Variants in PLCG2 observed in about 807,000 individuals in gnomAD.
PLCG2 encodes the protein phospholipase C gamma 2.
A neutral mutation model predicts 175.6 loss-of-function variants in PLCG2; 69 were observed. That is an observed-to-expected ratio of 0.39 (90% CI 0.32 to 0.48). The LOEUF is 0.48. Ranked by LOEUF, PLCG2 falls within the 20% of genes least tolerant of loss-of-function variation. The probability of loss-of-function intolerance (pLI) is 0.91; values close to 1 mark genes in which losing one functional copy is unlikely to be tolerated. For synonymous variants in PLCG2, 827 were observed against 624.0 expected, an observed-to-expected ratio of 1.33 and a Z score of -4.85; for missense variants, 1,798 against 1,650.9, an observed-to-expected ratio of 1.09 and a Z score of -1.54.
In PLCG2 at chr16:81,869,250, G is replaced by C. The variant is rs777536190; in HGVS notation, c.516G>C (p.Leu172=). ...SLRELKTILP[L]INFKVSSAKF... is the part of the protein sequence containing the mutation. ...GAGAGTTGAAGACCATCTTGCCCCT[G>C]ATCAACTTTAAAGTGAGCAGTGCCA... Residue 172 remains leucine (L), a synonymous_variant, in exon 6 of 33, where the codon CTG becomes CTC. Coordinates refer to ENST00000564138, the MANE Select transcript of PLCG2 (RefSeq NM_002661.5). 6.2e-7 allele frequency: 1 copy of C among 1,614,020 alleles called. No homozygotes were observed. The highest frequency in any genetic ancestry group is 8.5e-7 in the Non-Finnish European group (1 of 1,179,886).
intron 1 of PLCG2, among the ~76,000 whole-genome samples, chr16:81,748,692 C>G (rs1314447896): frequency 6.6e-6 from 1 of 152,100 alleles, no homozygotes; most frequent in Non-Finnish European, 1.5e-5. Context: ...CACTTGTGGT[C>G]AGAAAACCCC....
Position 81,858,313 on chromosome 16 carries a change from C to G in PLCG2, c.388C>G (p.His130Asp). 1 of 1,614,072 alleles carries G rather than the reference C, an allele frequency of 6.2e-7. No individual in the cohort carries two copies. Among genetic ancestry groups the G allele is most frequent in the Non-Finnish European group, 8.5e-7 (1 of 1,179,922 alleles). ...CTGGCTCTCTGGCTTGAAAATCTTA[C>G]ACCAGGAAGCGATGAATGCGTCCAC... is the stretch of plus-strand genomic sequence containing the variant. ...VNWLSGLKIL[H>D]QEAMNASTPT... Residue 130 changes from histidine (H) to aspartate (D), a missense_variant, in exon 4 of 33, where the codon CAC becomes GAC. By Grantham distance (81) the His-to-Asp change is moderately conservative. Coordinates refer to ENST00000564138, the MANE Select transcript of PLCG2 (RefSeq NM_002661.5).
chr16:81,776,083 C>CGTTCTT (rs1413572575), upstream of PLCG2, among the ~76,000 whole-genome samples: 152 of 81,900 alleles, frequency 1.9e-3, 9 homozygotes, highest in African/African-American at 4.8e-3. Context: ...TTCTCTCTCT[C>CGTTCTT]TCTCTCTTTC....
intron 3 of PLCG2, chr16:81,858,014 T>A: frequency 2.1e-6 from 1 of 473,420 alleles, no homozygotes; most frequent in South Asian, 3.8e-5. Flanking sequence ...TGATTCCATT[T>A]GGCACAGGAA....
At chr16:81,851,474 C>T (rs561431240) in intron 2 of PLCG2, among the ~76,000 whole-genome samples, 29 of 152,196 alleles carry the variant, frequency 1.9e-4, no homozygotes, top group East Asian at 1.7e-3. Flanking sequence ...ATGTAGATGA[C>T]GTGCTGTTTT....
upstream of PLCG2, among the ~76,000 whole-genome samples, chr16:81,777,359 A>G (rs773471139): frequency 2.0e-5 from 3 of 151,656 alleles, no homozygotes; most frequent in Non-Finnish European, 2.9e-5. Flanking sequence ...CTGAACTAAT[A>G]TATTATGTAC....
At chr16:81,846,321 C>G (rs1420347565) in intron 2 of PLCG2, among the ~76,000 whole-genome samples, 2 of 152,210 alleles carry the variant, frequency 1.3e-5, no homozygotes, top group Non-Finnish European at 2.9e-5. Flanking sequence ...CCTATACAGT[C>G]AGGGTGAAGC....
chr16:81,791,424 A>G (rs1237385268), intron 2 of PLCG2, among the ~76,000 whole-genome samples: 3 of 152,092 alleles, frequency 2.0e-5, no homozygotes, highest in African/African-American at 7.2e-5. Context: ...ATCTGGGCAG[A>G]GCTCAGCTGG....
At chr16:81,906,505 G>A (rs1909376790) in intron 15 of PLCG2, 1 of 152,152 alleles carries the variant, frequency 6.6e-6, no homozygotes, top group Non-Finnish European at 1.5e-5. Flanking sequence ...GCTCACCACA[G>A]ACTCCACCTC....
chr16:81,880,341 C>G (rs1908017273), intron 7 of PLCG2, among the ~76,000 whole-genome samples: 1 of 152,182 alleles, frequency 6.6e-6, no homozygotes, highest in Non-Finnish European at 1.5e-5. Flanking sequence ...TTATCAAAGC[C>G]AATGTGCCTA....
chr16:81,773,914 G>T (rs1910336783), intron 2 of PLCG2, among the ~76,000 whole-genome samples: 1 of 152,060 alleles, frequency 6.6e-6, no homozygotes, highest in Non-Finnish European at 1.5e-5. Flanking sequence ...CCATCATGCA[G>T]GACTTTGATG....
intron 2 of PLCG2, among the ~76,000 whole-genome samples, chr16:81,831,367 G>A (rs746601908): frequency 2.6e-5 from 4 of 152,304 alleles, no homozygotes; most frequent in South Asian, 2.1e-4. Context: ...GACCATCATC[G>A]TGAGAATCTG....
At chr16:81,750,265 C>T (rs556994781) in intron 1 of PLCG2, among the ~76,000 whole-genome samples, 1 of 151,766 alleles carries the variant, frequency 6.6e-6, no homozygotes, top group African/African-American at 2.4e-5. Flanking sequence ...ACAACAACAA[C>T]AAAAATTAGC....
Position 81,957,952 on chromosome 16 carries a change from T to A in PLCG2, c.3756-4T>A. 6.2e-7 allele frequency: 1 copy of A among 1,613,546 alleles called. No individual in the cohort carries two copies. Among genetic ancestry groups the A allele is most frequent in the African/African-American group, 1.3e-5 (1 of 75,024 alleles). On this transcript the variant is annotated splice_region_variant and splice_polypyrimidine_tract_variant and intron_variant, in intron 32 of 32. Coordinates refer to ENST00000564138, the MANE Select transcript of PLCG2 (RefSeq NM_002661.5). ...TGCTGATGGTGAAATCTGTTTTATT[T>A]CAGGTTAAGAGAGAAGAGAGTCAGC...
chr16:81,894,302 G>A (rs535048489), intron 12 of PLCG2, among the ~76,000 whole-genome samples: 6 of 152,306 alleles, frequency 3.9e-5, no homozygotes, highest in East Asian at 1.9e-4. Flanking sequence ...AGTGGCATGC[G>A]CCTGTGGTCC....
chr16:81,809,448 G>A (rs1249305797), intron 2 of PLCG2, among the ~76,000 whole-genome samples: 1 of 152,170 alleles, frequency 6.6e-6, no homozygotes, highest in East Asian at 1.9e-4. Flanking sequence ...GGAATAATAA[G>A]CTTGATGACA....
intron 14 of PLCG2, among the ~76,000 whole-genome samples, chr16:81,903,790 T>C (rs1016780186): frequency 1.7e-4 from 26 of 152,164 alleles, no homozygotes; most frequent in Non-Finnish European, 3.5e-4. Context: ...TGCTGCCTGT[T>C]CCCAGGGAGT....
intron 2 of PLCG2, among the ~76,000 whole-genome samples, chr16:81,850,911 G>A (rs751424912): frequency 2.6e-5 from 4 of 152,122 alleles, no homozygotes; most frequent in Admixed American, 1.3e-4. Context: ...GATGGGGCCC[G>A]CTTATTTTTG....
At chr16:81,957,920 G>A (rs1351223405) in intron 32 of PLCG2, 36 bp from the exon 33 acceptor site, 1 of 1,600,906 alleles carries the variant, frequency 6.2e-7, no homozygotes. Flanking sequence ...CATTTCTCAT[G>A]GCCCACTGCT....
Sources: allele counts gnomAD v4.1 joint callset (sites outside exome capture counted in the v4.1 genomes callset), GRCh38; gene constraint gnomAD v4.1.1; transcripts MANE v1.5; gene names NCBI Gene and HGNC (gene_info 2026-07-23, HGNC 2026-07-21).